IL1RAPL2: variants seen among roughly 807,000 people sequenced by gnomAD.
The protein encoded by IL1RAPL2 is interleukin 1 receptor accessory protein like 2.
Under a neutral mutation model 44.1 loss-of-function variants are expected in IL1RAPL2, and 3 were observed. The observed-to-expected ratio is 0.07, with a 90% CI of 0.03 to 0.18. The LOEUF is 0.18. Ranked by LOEUF, IL1RAPL2 falls within the 10% of genes least tolerant of loss-of-function variation. The pLI is 1.00. For missense variants in IL1RAPL2, 391 were observed against 496.4 expected (o/e 0.79, Z 2.02); for synonymous variants, 181 against 178.8 (o/e 1.01, Z -0.10).
At chrX:105,243,585 GTGTA>G (rs1470450795) in intron 4 of IL1RAPL2, among the ~76,000 whole-genome samples, 26 of 75,196 alleles carry the variant, frequency 3.5e-4, no homozygotes, top group African/African-American at 3.1e-3. Flanking sequence ...ATATATATAT[GTGTA>G]TATATATATA....
intron 5 of IL1RAPL2, among the ~76,000 whole-genome samples, chrX:105,359,610 C>T (rs1395404321): frequency 9.0e-6 from 1 of 110,838 alleles, no homozygotes; most frequent in Non-Finnish European, 1.9e-5. Flanking sequence ...TTCTGCTACA[C>T]CATGTTCATA....
At chrX:105,515,095 A>G (rs2036502752) in intron 6 of IL1RAPL2, among the ~76,000 whole-genome samples, 1 of 111,836 alleles carries the variant, frequency 8.9e-6, no homozygotes, top group South Asian at 3.7e-4. Flanking sequence ...TTCTTTAGGG[A>G]CATCCATGAG....
At chrX:104,921,074 A>T (rs989353620) in intron 2 of IL1RAPL2, among the ~76,000 whole-genome samples, 1 of 111,551 alleles carries the variant, frequency 9.0e-6, no homozygotes, top group Non-Finnish European at 1.9e-5. Flanking sequence ...CCCACTGTGG[A>T]TCTCTGAGTT....
At chrX:105,089,861 TACA>T (rs750203083) in intron 2 of IL1RAPL2, among the ~76,000 whole-genome samples, 1 of 111,958 alleles carries the variant, frequency 8.9e-6, no homozygotes, top group South Asian at 3.7e-4. Context: ...TCTTAACTGC[TACA>T]ACTCTATACT....
intron 2 of IL1RAPL2, among the ~76,000 whole-genome samples, chrX:105,034,225 G>A (rs919130773): frequency 1.3e-4 from 15 of 111,975 alleles, no homozygotes; most frequent in South Asian, 7.4e-4. Flanking sequence ...CTCTCAACTC[G>A]TCAAAGTCAT....
At chrX:105,687,565 C>T (rs1191499032) in intron 6 of IL1RAPL2, among the ~76,000 whole-genome samples, 1 of 111,131 alleles carries the variant, frequency 9.0e-6, no homozygotes, top group Non-Finnish European at 1.9e-5. Flanking sequence ...ATAATAGGCT[C>T]AGAAATTGAA....
intron 6 of IL1RAPL2, among the ~76,000 whole-genome samples, chrX:105,583,382 C>T (rs1218366317): frequency 1.8e-5 from 2 of 111,268 alleles, no homozygotes; most frequent in East Asian, 5.7e-4. Context: ...GATCCCCCTG[C>T]CTCGGCCTCC....
chrX:105,377,916 AAAAC>A (rs1282996857), intron 5 of IL1RAPL2, among the ~76,000 whole-genome samples: 1 of 111,778 alleles, frequency 8.9e-6, no homozygotes, highest in Non-Finnish European at 1.9e-5. Flanking sequence ...GAAGACTATG[AAAAC>A]GCTTTCCTCC....
chrX:105,426,831 G>C (rs1441555448), intron 5 of IL1RAPL2, among the ~76,000 whole-genome samples: 1 of 111,419 alleles, frequency 9.0e-6, no homozygotes, highest in South Asian at 3.8e-4. Flanking sequence ...TATACTTTTG[G>C]CATGGCCATG....
At chrX:104,660,945 T>C (rs1190789605) in intron 2 of IL1RAPL2, among the ~76,000 whole-genome samples, 3 of 105,560 alleles carry the variant, frequency 2.8e-5, no homozygotes, top group African/African-American at 1.0e-4. Context: ...TATATATATA[T>C]ATACACACAC....
intron 6 of IL1RAPL2, among the ~76,000 whole-genome samples, chrX:105,671,238 C>T (rs749105777): frequency 1.0e-3 from 113 of 112,224 alleles, no homozygotes; most frequent in South Asian, 4.7e-3. Context: ...TGAGCCACCA[C>T]GCCTGGCTGG....
chrX:105,604,943 TA>T (rs755244175), intron 6 of IL1RAPL2, among the ~76,000 whole-genome samples: 5 of 108,586 alleles, frequency 4.6e-5, no homozygotes, highest in South Asian at 7.8e-4. Context: ...GTCTTCATGA[TA>T]AAAAAAAACA....
intron 7 of IL1RAPL2, among the ~76,000 whole-genome samples, chrX:105,734,441 C>G (rs2038430820): frequency 9.0e-6 from 1 of 111,604 alleles, no homozygotes; most frequent in Non-Finnish European, 1.9e-5. Flanking sequence ...CTCTGTCACC[C>G]AGGCTGGTAT....
intron 2 of IL1RAPL2, among the ~76,000 whole-genome samples, chrX:104,701,414 C>T (rs1931270807): frequency 9.0e-6 from 1 of 111,021 alleles, no homozygotes; most frequent in Admixed American, 9.6e-5. Flanking sequence ...GTACTTCACC[C>T]CCATAGTTCA....
chrX:105,035,971 A>G (rs1335661221), intron 2 of IL1RAPL2, among the ~76,000 whole-genome samples: 1 of 111,285 alleles, frequency 9.0e-6, no homozygotes, highest in African/African-American at 3.3e-5. Context: ...TTTGTATAAG[A>G]GTCTTTTATG....
intron 2 of IL1RAPL2, among the ~76,000 whole-genome samples, chrX:104,897,573 A>G (rs1017011883): frequency 8.9e-6 from 1 of 112,517 alleles, no homozygotes; most frequent in South Asian, 3.7e-4. Flanking sequence ...AAAATTATCA[A>G]ACAATTTGTG....
chrX:105,059,233 T>G (rs2032040174), intron 2 of IL1RAPL2, among the ~76,000 whole-genome samples: 1 of 112,085 alleles, frequency 8.9e-6, no homozygotes, highest in Admixed American at 9.5e-5. Flanking sequence ...TCTATTTAAC[T>G]GATTTTGTAC....
At position 104,890,167 on chromosome X, in the gene IL1RAPL2, A is replaced by ACT. The variant is rs1233829805; in HGVS notation, c.82+231172_82+231173insCT. The stretch of plus-strand genomic sequence containing the variant: ...GGCTGCATAGTATACTGTGGTGTAT[A>ACT]TGTCCCACATTTTCTTAATCCAGTC... On this transcript the variant is annotated intron_variant, in intron 2 of 10. Coordinates refer to ENST00000372582, the MANE Select transcript of IL1RAPL2 (RefSeq NM_017416.2). Among the ~76,000 whole-genome samples the ACT allele has an allele frequency of 3.6e-5, 4 of 112,127 alleles. No individual in the cohort carries two copies. In the East Asian group the frequency reaches 1.1e-3, roughly 31 times the overall value.
At chrX:104,866,810 T>C (rs1602768247) in intron 2 of IL1RAPL2, among the ~76,000 whole-genome samples, 1 of 111,823 alleles carries the variant, frequency 8.9e-6, no homozygotes, top group Non-Finnish European at 1.9e-5. Context: ...TCAAAATGCA[T>C]TTGAATTGAG....
Sources: gnomAD v4.1 joint callset for allele counts (sites outside exome capture counted in the v4.1 genomes callset) on GRCh38, gnomAD v4.1.1 for gene constraint, MANE v1.5 for transcripts, NCBI Gene and HGNC (gene_info 2026-07-23, HGNC 2026-07-21) for gene names.